The following PALS1 variants were observed in gnomAD, a reference collection of about 807,000 sequenced individuals.
The protein encoded by PALS1 is protein associated with LIN7 1, MAGUK p55 family member.
A neutral mutation model predicts 78.9 loss-of-function variants in PALS1; 31 were observed. The observed-to-expected ratio is 0.39, with a 90% CI of 0.30 to 0.53. PALS1 has a LOEUF of 0.53. Ranked by LOEUF, PALS1 falls within the 20% of genes least tolerant of loss-of-function variation. The probability of loss-of-function intolerance (pLI) is 0.67; values close to 1 mark genes in which losing one functional copy is unlikely to be tolerated. For missense variants in PALS1, 704 were observed against 826.5 expected, an observed-to-expected ratio of 0.85 and a Z score of 1.82; for synonymous variants, 276 against 270.9, an observed-to-expected ratio of 1.02 and a Z score of -0.18.
chr14:67,261,807 C>CA (rs2084242655), intron 1 of PALS1, among the ~76,000 whole-genome samples: 1 of 151,966 alleles, frequency 6.6e-6, no homozygotes, highest in African/African-American at 2.4e-5. Flanking sequence ...ATCTTGTTAC[C>CA]ACAATCAGGT....
chr14:67,267,018 GATC>G (rs1306968695), intron 1 of PALS1, among the ~76,000 whole-genome samples: 1 of 151,974 alleles, frequency 6.6e-6, no homozygotes, highest in Non-Finnish European at 1.5e-5. Context: ...GAAGCGGGAA[GATC>G]ACTTGAGCCT....
chr14:67,251,391 G>T (rs141765062), intron 1 of PALS1, among the ~76,000 whole-genome samples: 2 of 152,220 alleles, frequency 1.3e-5, no homozygotes, highest in Non-Finnish European at 2.9e-5. Flanking sequence ...AAATTAGCTG[G>T]ACTTGGTGGT....
intron 14 of PALS1, among the ~76,000 whole-genome samples, chr14:67,331,468 G>A (rs1460946297): frequency 6.6e-6 from 1 of 152,052 alleles, no homozygotes; most frequent in Non-Finnish European, 1.5e-5. Context: ...TAACCAACCG[G>A]TTATCTAGTT....
intron 2 of PALS1, among the ~76,000 whole-genome samples, chr14:67,274,368 A>G (rs1475741664): frequency 6.6e-6 from 1 of 152,204 alleles, no homozygotes; most frequent in Non-Finnish European, 1.5e-5. Context: ...AGCACCATTT[A>G]TTAAATAGGG....
intron 1 of PALS1, among the ~76,000 whole-genome samples, chr14:67,259,978 G>C (rs1049658905): frequency 3.3e-5 from 5 of 151,854 alleles, no homozygotes; most frequent in African/African-American, 1.2e-4. Flanking sequence ...CATTCTACCA[G>C]AATTTATAGT....
At chr14:67,255,548 A>C (rs558818183) in intron 1 of PALS1, among the ~76,000 whole-genome samples, 60 of 152,232 alleles carry the variant, frequency 3.9e-4, no homozygotes, top group Non-Finnish European at 8.7e-4. Context: ...TAATGATTGC[A>C]TAAGTGATTT....
chr14:67,265,416 G>T (rs936296796), intron 1 of PALS1, among the ~76,000 whole-genome samples: 1 of 151,944 alleles, frequency 6.6e-6, no homozygotes, highest in Non-Finnish European at 1.5e-5. Context: ...AAAGTAGCTG[G>T]ATGGTGGCGT....
At chr14:67,323,263 A>ATG (rs2085295199) in intron 13 of PALS1, among the ~76,000 whole-genome samples, 1 of 128,960 alleles carries the variant, frequency 7.8e-6, no homozygotes, top group African/African-American at 3.3e-5. Context: ...GTGTGTGTGT[A>ATG]TATATATATA....
Position 67,303,527 on chromosome 14 carries a change from T to A in PALS1, c.969T>A (p.Asp323Glu), listed in dbSNP as rs2084958461. The stretch of plus-strand genomic sequence containing the variant: ...ACCTGATCTTTCTATTACAGTCTGA[T>A]ATGCATGGTACTTTGACTTTTGTCC... ...DVNEVFDLLSDMHGTLTFVLI... is the reference protein window; with the variant it reads ...DVNEVFDLLSEMHGTLTFVLI... The change falls in exon 8 of 15, where the codon GAT becomes GAA. Residue 323 changes from aspartate to glutamate, a missense_variant. By Grantham distance (45) the Asp-to-Glu change is conservative. Transcript: ENST00000261681. The A allele has an allele frequency of 1.9e-6, 3 of 1,612,110 alleles. No individual in the cohort carries two copies. The highest frequency in any genetic ancestry group is 3.3e-4 in the Middle Eastern group (2 of 6,056).
chr14:67,245,577 C>T (rs1015177088), intron 1 of PALS1, among the ~76,000 whole-genome samples: 1 of 152,014 alleles, frequency 6.6e-6, no homozygotes, highest in African/African-American at 2.4e-5. Context: ...TCTCAGAACT[C>T]CTGGGCTCAA....
intron 14 of PALS1, among the ~76,000 whole-genome samples, chr14:67,331,579 T>C (rs776106396): frequency 2.0e-4 from 30 of 152,140 alleles, no homozygotes; most frequent in Non-Finnish European, 3.8e-4. Context: ...CAGCTAAAAA[T>C]TTTGAGCTAA....
At chr14:67,260,685 A>G (rs2084221276) in intron 1 of PALS1, among the ~76,000 whole-genome samples, 1 of 152,246 alleles carries the variant, frequency 6.6e-6, no homozygotes, top group African/African-American at 2.4e-5. Flanking sequence ...CAATATGTCA[A>G]AAGTTTAATG....
At chr14:67,254,659 T>G (rs1392498370) in intron 1 of PALS1, among the ~76,000 whole-genome samples, 1 of 152,238 alleles carries the variant, frequency 6.6e-6, no homozygotes, top group East Asian at 1.9e-4. Context: ...TGAGTCCTTA[T>G]TAGTTCTGAT....
At chr14:67,329,629 C>T (rs1439935095) in intron 14 of PALS1, among the ~76,000 whole-genome samples, 1 of 151,974 alleles carries the variant, frequency 6.6e-6, no homozygotes, top group Non-Finnish European at 1.5e-5. Context: ...ATAAATAGCT[C>T]TTATTATTTT....
chr14:67,309,518 C>T (rs2085056681), intron 8 of PALS1, among the ~76,000 whole-genome samples: 1 of 152,088 alleles, frequency 6.6e-6, no homozygotes, highest in Non-Finnish European at 1.5e-5. Context: ...AAAGCATGTT[C>T]TCTTCCCAGC....
intron 2 of PALS1, among the ~76,000 whole-genome samples, chr14:67,274,256 G>T (rs992545210): frequency 2.1e-4 from 32 of 152,144 alleles, no homozygotes; most frequent in Middle Eastern, 3.2e-3. Context: ...CTGGTTTTAG[G>T]TCTAACATTT....
At chr14:67,294,130 CAT>C (rs1469864848) in intron 4 of PALS1, among the ~76,000 whole-genome samples, 4 of 152,260 alleles carry the variant, frequency 2.6e-5, no homozygotes, top group East Asian at 3.9e-4. Context: ...CACATATTCA[CAT>C]ATGTGAATAT....
At chr14:67,320,422 TC>T in intron 12 of PALS1, 25 bp downstream of exon 12, 1 of 1,552,872 alleles carries the variant, frequency 6.4e-7, no homozygotes, top group Non-Finnish European at 8.7e-7. Context: ...ATTCCCATTT[TC>T]CTGTGCTTTT....
rs147549431 is a variant in PALS1 at position 67,310,255 on chromosome 14, CTG to C, written c.1042-2270_1042-2269del. On this transcript the variant is annotated intron_variant, in intron 8 of 14. Transcript: ENST00000261681. ...AAAGATTTCAAGATTTTAATAAAAA[CTG>C]TTTTTTCACATCTAGAATGAGGTTC... Among the ~76,000 whole-genome samples, 271 of 152,128 alleles carry C rather than the reference CTG, an allele frequency of 1.8e-3. 1 individual carries two copies. The highest frequency in any genetic ancestry group is 5.8e-3 in the African/African-American group (240 of 41,498).
Sources: allele counts gnomAD v4.1 joint callset (sites outside exome capture counted in the v4.1 genomes callset), GRCh38; gene constraint gnomAD v4.1.1; transcripts MANE v1.5; gene names NCBI Gene and HGNC (gene_info 2026-07-23, HGNC 2026-07-21).